Variants in PRIM2 observed in about 807,000 individuals in gnomAD.
PRIM2 encodes DNA primase subunit 2.
PRIM2 carries 39 observed loss-of-function variants against 67.3 expected under a neutral mutation model. The observed-to-expected ratio is 0.58, with a 90% CI of 0.45 to 0.76. The LOEUF is 0.76. Ranked by LOEUF, PRIM2 falls within the 30% of genes least tolerant of loss-of-function variation. The pLI, the probability that PRIM2 is intolerant of heterozygous loss-of-function variation, is 0.00. For synonymous variants in PRIM2, 143 were observed against 198.7 expected (o/e 0.72, Z 2.36); for missense variants, 398 against 598.7 (o/e 0.66, Z 3.50).
chr6:57,320,006 C>G (rs1381082563), intron 2 of PRIM2, among the ~76,000 whole-genome samples: 3 of 152,178 alleles, frequency 2.0e-5, no homozygotes, highest in Admixed American at 2.0e-4. Flanking sequence ...TTTGGATGGC[C>G]TTTCTTCTTC....
At chr6:57,291,221 C>A in the PRIM2 span, among the ~76,000 whole-genome samples, 1 of 152,116 alleles carries the variant, frequency 6.6e-6, no homozygotes, top group Non-Finnish European at 1.5e-5. Context: ...ACTATAAACA[C>A]CTCCATGTAA....
intron 12 of PRIM2, among the ~76,000 whole-genome samples, chr6:57,610,858 T>A (rs1776654465): frequency 6.6e-6 from 1 of 152,150 alleles, no homozygotes. Flanking sequence ...CAACCAACTT[T>A]ACCTAATTAA....
At chr6:57,402,893 T>C (rs1389929390) in intron 7 of PRIM2, among the ~76,000 whole-genome samples, 1 of 152,162 alleles carries the variant, frequency 6.6e-6, no homozygotes, top group Non-Finnish European at 1.5e-5. Context: ...GTAGTTCCTC[T>C]TGCACATATC....
chr6:57,458,235 G>A (rs1772874069), intron 7 of PRIM2, among the ~76,000 whole-genome samples: 1 of 152,106 alleles, frequency 6.6e-6, no homozygotes, highest in Non-Finnish European at 1.5e-5. Flanking sequence ...ATAATTTGAA[G>A]CATTGCAGAA....
intron 13 of PRIM2, among the ~76,000 whole-genome samples, chr6:57,634,030 A>G (rs1311850286): frequency 6.6e-6 from 1 of 152,244 alleles, no homozygotes; most frequent in African/African-American, 2.4e-5. Flanking sequence ...TTCCCTGTCT[A>G]TGAATAAAAC....
At chr6:57,344,336 ATTT>A (rs1033640134) in intron 5 of PRIM2, among the ~76,000 whole-genome samples, 2 of 152,036 alleles carry the variant, frequency 1.3e-5, no homozygotes, top group African/African-American at 4.8e-5. Flanking sequence ...TTGAGTAATT[ATTT>A]TTTTTCAAGG....
chr6:57,645,321 TCACACACACACACACACA>T (rs1189530732), intron 13 of PRIM2, among the ~76,000 whole-genome samples: 118 of 132,856 alleles, frequency 8.9e-4, no homozygotes, highest in Middle Eastern at 3.5e-3. Flanking sequence ...ACAATGTCAT[TCACACACACACACACACA>T]CACACACACA....
chr6:57,642,630 A>G (rs1737644540), intron 13 of PRIM2, among the ~76,000 whole-genome samples: 2 of 150,994 alleles, frequency 1.3e-5, no homozygotes, highest in Admixed American at 1.3e-4. Context: ...TTTAGTAGAG[A>G]CGGGGTTTCA....
chr6:57,523,693 G>A (rs1554349108), intron 8 of PRIM2, among the ~76,000 whole-genome samples: 47,963 of 143,810 alleles, frequency 0.33, 7,395 homozygotes, highest in East Asian at 0.44. Context: ...TCTGCTAACA[G>A]TCAGTGCCAC....
intron 10 of PRIM2, among the ~76,000 whole-genome samples, chr6:57,579,337 T>A (rs1431014251): frequency 1.7e-4 from 26 of 152,168 alleles, no homozygotes; most frequent in Non-Finnish European, 3.4e-4. Context: ...ACAGGAACAG[T>A]CTGGCTTGTC....
chr6:57,492,109 C>T (rs1294667609), intron 7 of PRIM2, among the ~76,000 whole-genome samples: 9 of 152,124 alleles, frequency 5.9e-5, no homozygotes, highest in African/African-American at 2.2e-4. Flanking sequence ...TGTCCGGGGA[C>T]CCTTCCCTTA....
the PRIM2 span, among the ~76,000 whole-genome samples, chr6:57,287,088 C>G: frequency 2.0e-5 from 3 of 152,042 alleles, no homozygotes; most frequent in African/African-American, 7.2e-5. Flanking sequence ...GAATGGTAAT[C>G]GTTAAAATGT....
At chr6:57,236,843 C>G in the PRIM2 span, among the ~76,000 whole-genome samples, 1 of 152,144 alleles carries the variant, frequency 6.6e-6, no homozygotes, top group Non-Finnish European at 1.5e-5. Context: ...GGTTCCAAGT[C>G]TTTGCTATTG....
intron 7 of PRIM2, among the ~76,000 whole-genome samples, chr6:57,448,235 T>A (rs1450845142): frequency 6.6e-6 from 1 of 152,176 alleles, no homozygotes; most frequent in Non-Finnish European, 1.5e-5. Flanking sequence ...AATGCAACCA[T>A]TTTTATAAGA....
chr6:57,239,677 T>A, the PRIM2 span, among the ~76,000 whole-genome samples: 1 of 151,928 alleles, frequency 6.6e-6, no homozygotes, highest in Non-Finnish European at 1.5e-5. Context: ...CCTGGGGAGG[T>A]CGAGGCTGCA....
chr6:57,459,697 A>G (rs1213477196), intron 7 of PRIM2, among the ~76,000 whole-genome samples: 5 of 152,138 alleles, frequency 3.3e-5, no homozygotes, highest in Non-Finnish European at 5.9e-5. Context: ...CTATATTACA[A>G]TATTGAGGCA....
chr6:57,327,144 C>T (rs987123482), intron 5 of PRIM2, among the ~76,000 whole-genome samples: 6 of 152,140 alleles, frequency 3.9e-5, no homozygotes, highest in South Asian at 2.1e-4. Context: ...TCAGGTGATA[C>T]ACCCGCCTCG....
chr6:57,554,652 C>G (rs1435320811), intron 10 of PRIM2, among the ~76,000 whole-genome samples: 101 of 152,314 alleles, frequency 6.6e-4, no homozygotes, highest in African/African-American at 2.4e-3. Context: ...CCACCCATCT[C>G]TTGCATAGGA....
intron 7 of PRIM2, among the ~76,000 whole-genome samples, chr6:57,451,383 T>C (rs1312507081): frequency 6.6e-6 from 1 of 152,122 alleles, no homozygotes; most frequent in Non-Finnish European, 1.5e-5. Flanking sequence ...TCAAGTGATC[T>C]ACCACCTCAG....
Sources: gnomAD v4.1 joint callset for allele counts (sites outside exome capture counted in the v4.1 genomes callset) on GRCh38, gnomAD v4.1.1 for gene constraint, MANE v1.5 for transcripts, NCBI Gene and HGNC (gene_info 2026-07-23, HGNC 2026-07-21) for gene names.